The following MAST4 variants were observed in gnomAD, a reference collection of about 807,000 sequenced individuals.
MAST4 encodes the protein microtubule associated serine/threonine kinase family member 4.
In MAST4, 89 loss-of-function variants were observed where a neutral mutation model predicts 162.7. That is an observed-to-expected ratio of 0.55 (90% confidence interval 0.46 to 0.65). The LOEUF is 0.65. MAST4 is among the 30% of genes least tolerant of loss of function. The pLI is 0.00. For missense variants in MAST4, 3,153 were observed against 3,374.0 expected (o/e 0.93, Z 1.62); for synonymous variants, 1,479 against 1,361.1 (o/e 1.09, Z -1.91).
intron 1 of MAST4, among the ~76,000 whole-genome samples, chr5:66,626,863 T>C (rs1039442709): frequency 6.6e-6 from 1 of 152,012 alleles, no homozygotes; most frequent in African/African-American, 2.4e-5. Context: ...AAGCGAGGGA[T>C]GTTTGGGGAG....
chr5:67,090,954 C>T (rs1020393089), intron 6 of MAST4, among the ~76,000 whole-genome samples: 1 of 151,946 alleles, frequency 6.6e-6, no homozygotes, highest in Non-Finnish European at 1.5e-5. Context: ...GCTTGTCCTC[C>T]TCTGCCCAGG....
intron 4 of MAST4, among the ~76,000 whole-genome samples, chr5:67,043,687 A>G (rs1757033725): frequency 6.6e-6 from 1 of 152,226 alleles, no homozygotes; most frequent in African/African-American, 2.4e-5. Context: ...AATTTAATAT[A>G]CTTACATTGA....
At chr5:66,762,091 T>C (rs974775987) in intron 2 of MAST4, among the ~76,000 whole-genome samples, 10 of 152,194 alleles carry the variant, frequency 6.6e-5, no homozygotes, top group Non-Finnish European at 1.5e-4. Context: ...AAACATGAAA[T>C]TTGGCCTTTA....
chr5:67,145,540 AGAGCTAAGATCAG>A (rs1378490647), intron 23 of MAST4, among the ~76,000 whole-genome samples, 161 bp downstream of exon 23: 1 of 152,172 alleles, frequency 6.6e-6, no homozygotes, highest in Non-Finnish European at 1.5e-5. Context: ...CGATCTTCTG[AGAGCTAAGATCAG>A]ATGTCTCAGA....
chr5:67,124,282 C>T (rs920282218), intron 14 of MAST4, among the ~76,000 whole-genome samples: 2 of 152,172 alleles, frequency 1.3e-5, no homozygotes, highest in African/African-American at 4.8e-5. Context: ...AGCACAACCT[C>T]TGGGACCAAA....
chr5:66,641,158 T>A (rs1258531793), intron 1 of MAST4, among the ~76,000 whole-genome samples: 1 of 152,176 alleles, frequency 6.6e-6, no homozygotes, highest in African/African-American at 2.4e-5. Context: ...GTGCTCATTA[T>A]TAATTTTTTA....
chr5:66,829,512 A>G (rs929257533), intron 3 of MAST4, among the ~76,000 whole-genome samples: 2 of 152,224 alleles, frequency 1.3e-5, no homozygotes, highest in Non-Finnish European at 2.9e-5. Flanking sequence ...TTGGCAAATC[A>G]GAAAACTTGG....
At chr5:67,025,075 G>T (rs970781657) in intron 4 of MAST4, among the ~76,000 whole-genome samples, 4 of 151,932 alleles carry the variant, frequency 2.6e-5, no homozygotes, top group Non-Finnish European at 4.4e-5. Context: ...TACCTGTTTT[G>T]TTTTTTTATT....
intron 3 of MAST4, among the ~76,000 whole-genome samples, chr5:66,886,074 G>T (rs1056341313): frequency 1.9e-4 from 29 of 152,118 alleles, no homozygotes; most frequent in African/African-American, 7.0e-4. Flanking sequence ...GGAAAGTCGA[G>T]GCTGGCACTC....
At chr5:67,133,714 C>G (rs1286650842) in intron 17 of MAST4, 68 bp downstream of exon 17, 1 of 1,549,884 alleles carries the variant, frequency 6.5e-7, no homozygotes. Context: ...AGTTCAGAAT[C>G]AACTTGTGTG....
At chr5:66,959,214 T>C (rs750793903) in intron 4 of MAST4, 1 of 779,590 alleles carries the variant, frequency 1.3e-6, no homozygotes, top group East Asian at 2.4e-5. Context: ...GTGTGTGTCA[T>C]GGTTACAATA....
chr5:66,887,828 A>G (rs1268969808), intron 3 of MAST4, among the ~76,000 whole-genome samples: 2 of 152,200 alleles, frequency 1.3e-5, no homozygotes, highest in African/African-American at 4.8e-5. Context: ...GAGGGTGTGA[A>G]ATAGGAAGCA....
chr5:66,796,289 G>A (rs1443391151), intron 3 of MAST4, among the ~76,000 whole-genome samples: 1 of 152,156 alleles, frequency 6.6e-6, no homozygotes, highest in Non-Finnish European at 1.5e-5. Flanking sequence ...ATTGCGATTC[G>A]GTCTAAGAAC....
intron 4 of MAST4, among the ~76,000 whole-genome samples, chr5:66,938,317 C>T (rs1224313749): frequency 1.3e-5 from 2 of 152,080 alleles, no homozygotes; most frequent in Admixed American, 1.3e-4. Flanking sequence ...TGCCATATAA[C>T]TGAAAATTGG....
chr5:67,044,656 G>A (rs1317363492), intron 4 of MAST4, among the ~76,000 whole-genome samples: 1 of 152,046 alleles, frequency 6.6e-6, no homozygotes. Context: ...TGGGACTAAG[G>A]CACACACCAG....
intron 4 of MAST4, among the ~76,000 whole-genome samples, chr5:66,931,132 A>G (rs1047380231): frequency 6.6e-6 from 1 of 152,132 alleles, no homozygotes; most frequent in East Asian, 1.9e-4. Context: ...TTAAAGTCAC[A>G]ATGATATGAG....
rs185842277 is a variant in MAST4, at chr5:66,921,483, A to C, written c.674+21501A>C. 1.9e-3 allele frequency among the ~76,000 whole-genome samples: 292 copies of C among 152,318 alleles called. 1 individual carries two copies. Among genetic ancestry groups the C allele is most frequent in the African/African-American group, 6.8e-3 (282 of 41,582 alleles). ...CTAAAGATTAAAACTGCGGCCAGGC[A>C]TGGTGGCTCACACCTGAAATCCCAG... On this transcript the variant is annotated intron_variant, in intron 4 of 28. Transcript: ENST00000403625.
At position 67,133,758 on chromosome 5, in the gene MAST4, G is replaced by A. The variant is rs114104372; in HGVS notation, c.2226+112G>A. On this transcript the variant is annotated intron_variant, in intron 17 of 28. Coordinates refer to ENST00000403625, the MANE Select transcript of MAST4 (RefSeq NM_001164664.2). ...TCACATTAGTGCTGGTGGTTTAGAT[G>A]TCTGTATAAACCTTACATTTAATAA... 1.4e-3 allele frequency: 1,637 copies of A among 1,196,910 alleles called. 15 individuals are homozygous for A. In the African/African-American group the frequency reaches 0.018, roughly 13 times the overall value. 74.1% of individuals were successfully genotyped at this position (1,196,910 alleles called of 1,614,324 possible). A position where few individuals can be genotyped will look rare whatever the true frequency, so the allele number is the denominator to read the frequency against.
intron 3 of MAST4, among the ~76,000 whole-genome samples, chr5:66,854,310 T>C (rs993344834): frequency 6.6e-6 from 1 of 152,222 alleles, no homozygotes; most frequent in Admixed American, 6.5e-5. Context: ...ATGATTAGTG[T>C]GTATACTGGT....
Sources: allele counts gnomAD v4.1 joint callset (sites outside exome capture counted in the v4.1 genomes callset), GRCh38; gene constraint gnomAD v4.1.1; transcripts MANE v1.5; gene names NCBI Gene and HGNC (gene_info 2026-07-23, HGNC 2026-07-21).